Variants in SND1 observed in about 807,000 individuals in gnomAD.
SND1 encodes staphylococcal nuclease domain-containing protein 1.
Under a neutral mutation model 121.7 loss-of-function variants are expected in SND1, and 38 were observed. The observed-to-expected ratio is 0.31, with a 90% CI of 0.24 to 0.41. The LOEUF is 0.41. Among genes scored for constraint, SND1 ranks in the 10% least tolerant of loss-of-function variants. The probability of loss-of-function intolerance (pLI) is 1.00; values close to 1 mark genes in which losing one functional copy is unlikely to be tolerated. For synonymous variants in SND1, 401 were observed against 447.4 expected (o/e 0.90, Z 1.31); for missense variants, 868 against 1,184.6 (o/e 0.73, Z 3.92).
chr7:127,814,084 G>A (rs1189498618), intron 11 of SND1, among the ~76,000 whole-genome samples: 2 of 151,984 alleles, frequency 1.3e-5, no homozygotes, highest in African/African-American at 4.8e-5. Context: ...TTCTTACTTG[G>A]ACTCCCAAGT....
intron 12 of SND1, among the ~76,000 whole-genome samples, chr7:127,859,843 G>T (rs1414128521): frequency 6.6e-6 from 1 of 152,062 alleles, no homozygotes; most frequent in Non-Finnish European, 1.5e-5. Context: ...ACTGAGAAAG[G>T]GAGTCTAAAG....
chr7:127,800,383 T>A (rs1294229930), intron 10 of SND1, among the ~76,000 whole-genome samples: 1 of 152,366 alleles, frequency 6.6e-6, no homozygotes, highest in Non-Finnish European at 1.5e-5. Flanking sequence ...AAACTTGTTT[T>A]TGACCCTGTT....
chr7:128,034,530 C>T (rs1185288314), intron 16 of SND1, among the ~76,000 whole-genome samples: 2 of 152,208 alleles, frequency 1.3e-5, no homozygotes, highest in African/African-American at 4.8e-5. Context: ...TCCTCTGCTA[C>T]TGTAGGCAAA....
intron 17 of SND1, among the ~76,000 whole-genome samples, chr7:128,079,193 A>T (rs1389399592): frequency 6.6e-6 from 1 of 152,260 alleles, no homozygotes; most frequent in East Asian, 1.9e-4. Context: ...CCCAGGGCAA[A>T]AGCCTCAGGC....
intron 13 of SND1, among the ~76,000 whole-genome samples, chr7:127,888,663 G>A (rs937864988): frequency 3.3e-5 from 5 of 152,086 alleles, no homozygotes; most frequent in Non-Finnish European, 5.9e-5. Context: ...TGTGGTAGTT[G>A]AGTGATTCCC....
Position 127,652,301 on chromosome 7 carries a change from A to C in SND1, c.-73A>C. ...CTGCCCCTCGCCTCGACTCCCTTTC[A>C]CCAACACCGACACCCACATTGACAC... On this transcript the variant is annotated 5_prime_UTR_variant, in exon 1 of 24. Transcript: ENST00000354725. The C allele has an allele frequency of 7.6e-7, 1 of 1,310,756 alleles. No individual in the cohort carries two copies. Among genetic ancestry groups the C allele is most frequent in the Non-Finnish European group, 1.1e-6 (1 of 927,040 alleles). 81.2% of individuals were successfully genotyped at this position (1,310,756 alleles called of 1,614,324 possible). A position where few individuals can be genotyped will look rare whatever the true frequency, so the allele number is the denominator to read the frequency against.
chr7:127,748,258 A>G (rs925361182), intron 10 of SND1, among the ~76,000 whole-genome samples: 4 of 152,144 alleles, frequency 2.6e-5, no homozygotes, highest in Non-Finnish European at 5.9e-5. Flanking sequence ...TTGATTCCAC[A>G]CAAACGGTGA....
At chr7:127,900,006 C>T (rs868333276) in intron 13 of SND1, among the ~76,000 whole-genome samples, 4 of 152,128 alleles carry the variant, frequency 2.6e-5, no homozygotes, top group Non-Finnish European at 4.4e-5. Flanking sequence ...CTCCTTTCCC[C>T]GTCATCTCCC....
At chr7:127,702,615 G>C (rs1251468751) in intron 6 of SND1, 89 bp downstream of exon 6, 4 of 1,039,662 alleles carry the variant, frequency 3.8e-6, no homozygotes. Context: ...CGGATCTGCT[G>C]TTTCTTCCTA....
intron 16 of SND1, among the ~76,000 whole-genome samples, chr7:128,001,076 C>T (rs1001163002): frequency 6.6e-5 from 10 of 152,162 alleles, no homozygotes; most frequent in South Asian, 2.1e-4. Context: ...ATGAACTTTC[C>T]ACTTGCTACT....
intron 12 of SND1, among the ~76,000 whole-genome samples, 176 bp downstream of exon 12, chr7:127,844,600 A>G (rs1799023485): frequency 6.6e-6 from 1 of 152,218 alleles, no homozygotes; most frequent in Non-Finnish European, 1.5e-5. Context: ...ATAATCACTC[A>G]TTAGCTAATC....
intron 11 of SND1, among the ~76,000 whole-genome samples, chr7:127,818,785 CATTT>C (rs1360347496): frequency 6.6e-6 from 1 of 152,036 alleles, no homozygotes; most frequent in Non-Finnish European, 1.5e-5. Context: ...TTTTAACCAC[CATTT>C]ATTTAAAAAA....
intron 11 of SND1, among the ~76,000 whole-genome samples, chr7:127,824,258 A>G (rs960291088): frequency 1.3e-5 from 2 of 152,342 alleles, no homozygotes; most frequent in African/African-American, 4.8e-5. Context: ...ATCCACAGCA[A>G]TAGTGTTATT....
intron 10 of SND1, among the ~76,000 whole-genome samples, chr7:127,796,100 G>A (rs373563636): frequency 6.6e-5 from 10 of 151,520 alleles, no homozygotes; most frequent in East Asian, 1.9e-4. Context: ...CTTGTGATCC[G>A]CCCTCCTTGG....
chr7:127,771,064 A>T (rs1797504555), intron 10 of SND1, among the ~76,000 whole-genome samples: 1 of 152,216 alleles, frequency 6.6e-6, no homozygotes, highest in Non-Finnish European at 1.5e-5. Context: ...ACTGTGTAGC[A>T]TCTTTTCCAG....
At chr7:127,894,973 A>G (rs1273182172) in intron 13 of SND1, among the ~76,000 whole-genome samples, 7 of 151,372 alleles carry the variant, frequency 4.6e-5, no homozygotes, top group South Asian at 4.2e-4. Flanking sequence ...TGTTTTTCCT[A>G]TTTCTTCTCT....
At chr7:127,878,810 A>T (rs1178009134) in intron 12 of SND1, among the ~76,000 whole-genome samples, 1 of 152,164 alleles carries the variant, frequency 6.6e-6, no homozygotes, top group Non-Finnish European at 1.5e-5. Flanking sequence ...AGAAGGTGGG[A>T]GAGAGATTTA....
intron 10 of SND1, among the ~76,000 whole-genome samples, chr7:127,792,365 T>C (rs1473407137): frequency 1.3e-5 from 2 of 152,210 alleles, no homozygotes; most frequent in African/African-American, 4.8e-5. Context: ...TGGTCACTTT[T>C]CTTTGTCCAA....
At chr7:127,868,567 T>A (rs1799521045) in intron 12 of SND1, among the ~76,000 whole-genome samples, 1 of 152,230 alleles carries the variant, frequency 6.6e-6, no homozygotes. Flanking sequence ...GAAACACAGA[T>A]GATGCCTTCT....
Sources: allele counts gnomAD v4.1 joint callset (sites outside exome capture counted in the v4.1 genomes callset), GRCh38; gene constraint gnomAD v4.1.1; transcripts MANE v1.5; gene names NCBI Gene and HGNC (gene_info 2026-07-23, HGNC 2026-07-21).